G2E3: variants seen among roughly 807,000 people sequenced by gnomAD.
The protein encoded by G2E3 is G2/M phase-specific E3 ubiquitin-protein ligase.
G2E3 carries 35 observed loss-of-function variants against 92.8 expected under a neutral mutation model. That is an observed-to-expected ratio of 0.38 (90% confidence interval 0.29 to 0.50). G2E3 has a LOEUF of 0.50. Ranked by LOEUF, G2E3 falls within the 20% of genes least tolerant of loss-of-function variation. G2E3 has a pLI of 0.94. For missense variants in G2E3, 554 were observed against 823.8 expected (o/e 0.67, Z 4.01); for synonymous variants, 242 against 272.4 (o/e 0.89, Z 1.10).
chr14:30,590,117 A>G (rs927169207), intron 4 of G2E3, among the ~76,000 whole-genome samples: 1 of 152,126 alleles, frequency 6.6e-6, no homozygotes, highest in Admixed American at 6.6e-5. Context: ...TTGTCTAAGT[A>G]AAAATAATGA....
chr14:30,607,821 T>A, intron 11 of G2E3, 67 bp from the exon 12 acceptor site: 1 of 799,142 alleles, frequency 1.3e-6, no homozygotes, highest in Non-Finnish European at 1.9e-6. Context: ...TAATTTTTAA[T>A]ATAAAAAATG....
At chr14:30,561,391 A>G (rs538638760) in intron 1 of G2E3, among the ~76,000 whole-genome samples, 7 of 152,324 alleles carry the variant, frequency 4.6e-5, no homozygotes, top group Admixed American at 3.9e-4. Context: ...CTCCATAAGT[A>G]TCTCTGATGG....
At chr14:30,589,244 AT>A in intron 3 of G2E3, 138 bp from the exon 4 acceptor site, 1 of 540,086 alleles carries the variant, frequency 1.9e-6, no homozygotes, top group Non-Finnish European at 3.3e-6. Context: ...ACCATGAAAA[AT>A]AACTACTATA....
chr14:30,606,142 T>C lies in G2E3; in HGVS notation c.1318+330T>C, dbSNP rs553526253. Among the ~76,000 whole-genome samples, 14 of 152,270 alleles carry C rather than the reference T, an allele frequency of 9.2e-5. No individual in the cohort carries two copies. The South Asian group carries it at 2.5e-3, about 27-fold the overall frequency. Reference sequence around the variant, plus strand: ...GGGATGATTATTTGAATTCTTCCTGTTTGTATATTTGGAATTTGCGGTTAA... The same window carrying C: ...GGGATGATTATTTGAATTCTTCCTGCTTGTATATTTGGAATTTGCGGTTAA... On this transcript the variant is annotated intron_variant, in intron 11 of 14. Coordinates refer to ENST00000206595, the MANE Select transcript of G2E3 (RefSeq NM_017769.5).
chr14:30,563,023 A>T (rs201823924), intron 1 of G2E3, among the ~76,000 whole-genome samples: 1 of 151,958 alleles, frequency 6.6e-6, no homozygotes, highest in South Asian at 2.1e-4. Flanking sequence ...TGTCTTGGTG[A>T]TAGTGGTCCC....
At chr14:30,589,277 C>G (rs1315601602) in intron 3 of G2E3, 106 bp from the exon 4 acceptor site, 4 of 643,070 alleles carry the variant, frequency 6.2e-6, no homozygotes, top group Non-Finnish European at 1.1e-5. Context: ...GAAATTTGAG[C>G]CATTTTATGT....
At chr14:30,560,168 C>T (rs1879011045) in intron 1 of G2E3, 1 of 151,470 alleles carries the variant, frequency 6.6e-6, no homozygotes, top group African/African-American at 2.4e-5. Flanking sequence ...TCTGTCTAAC[C>T]CAGTAGTAAA....
At chr14:30,563,157 C>T (rs1243949829) in intron 1 of G2E3, among the ~76,000 whole-genome samples, 1 of 146,988 alleles carries the variant, frequency 6.8e-6, no homozygotes. Flanking sequence ...ACTCTTGGTA[C>T]AGTTTTTTTT....
intron 3 of G2E3, 98 bp downstream of exon 3, chr14:30,586,913 C>T (rs1246852607): frequency 4.6e-6 from 2 of 435,562 alleles, no homozygotes; most frequent in Non-Finnish European, 8.3e-6. Context: ...AGTCATTTAA[C>T]TTCTCCAGAT....
At chr14:30,605,311 A>G (rs1308226200) in intron 10 of G2E3, among the ~76,000 whole-genome samples, 194 bp from the exon 11 acceptor site, 1 of 152,222 alleles carries the variant, frequency 6.6e-6, no homozygotes, top group African/African-American at 2.4e-5. Flanking sequence ...GGAATCAAGA[A>G]TTTAAAACTA....
At position 30,612,365 on chromosome 14, in the gene G2E3, C is replaced by G; in HGVS notation, c.1659C>G (p.His553Gln). ...GCTACCATGTAATTCAGAGAGTCCA[C>G]ACACCCTTTGAAAGGTAAGTTGTTT... ...ILGYHVIQRV[H>Q]TPFESFKQGL... The change falls in exon 13 of 15, where the codon CAC (histidine) becomes CAG (glutamine). Residue 553 changes from histidine to glutamine, a missense_variant. Around this residue, in one of 3 missense-constraint regions of G2E3, gnomAD observed 397 missense variants for 560.3 expected, o/e 0.71. Coordinates refer to ENST00000206595, the MANE Select transcript of G2E3 (RefSeq NM_017769.5). 1 of 1,583,774 alleles carries G rather than the reference C, an allele frequency of 6.3e-7. No homozygotes were observed. Among genetic ancestry groups the G allele is most frequent in the Non-Finnish European group, 8.6e-7 (1 of 1,163,238 alleles).
chr14:30,580,954 A>C (rs1026894389), intron 1 of G2E3, 122 bp from the exon 2 acceptor site: 2 of 654,456 alleles, frequency 3.1e-6, no homozygotes, highest in African/African-American at 3.8e-5. Flanking sequence ...AAAGGTAAGA[A>C]AAATTTAAAT....
intron 1 of G2E3, chr14:30,580,715 AT>A (rs1296280033): frequency 5.9e-6 from 1 of 170,548 alleles, no homozygotes. Flanking sequence ...TTACAAGTAG[AT>A]TTTTTTAACC....
chr14:30,589,502 CTATTAAGTAATGTCA>C lies in G2E3; in HGVS notation c.237+21_237+35del, dbSNP rs1327688058. 3 of 1,199,440 alleles carry C rather than the reference CTATTAAGTAATGTCA, an allele frequency of 2.5e-6. No homozygotes were observed. The Admixed American group carries it at 5.3e-5, about 21-fold the overall frequency. The allele number at this position is 1,199,440 out of a possible 1,614,324, so 74.3% of individuals were successfully genotyped here. A position where few individuals can be genotyped will look rare whatever the true frequency, so the allele number is the denominator to read the frequency against. On this transcript the variant is annotated intron_variant, in intron 4 of 14. Coordinates refer to ENST00000206595, the MANE Select transcript of G2E3 (RefSeq NM_017769.5). ...CTAAACTGGTAAGTAAATTATTTTA[CTATTAAGTAATGTCA>C]TAAATATTGTCAATACTTGGGAAGT...
intron 13 of G2E3, among the ~76,000 whole-genome samples, chr14:30,614,949 G>A (rs1478843560): frequency 1.3e-5 from 2 of 152,142 alleles, no homozygotes; most frequent in South Asian, 2.1e-4. Flanking sequence ...AAATTTTTAT[G>A]TAATGAAGAT....
chr14:30,588,414 T>C (rs1366388072), intron 3 of G2E3, among the ~76,000 whole-genome samples: 1 of 151,984 alleles, frequency 6.6e-6, no homozygotes, highest in Admixed American at 6.6e-5. Flanking sequence ...CTTTACGATA[T>C]ACTGGTTAAA....
At chr14:30,563,759 T>C (rs1450950456) in intron 1 of G2E3, among the ~76,000 whole-genome samples, 2 of 149,100 alleles carry the variant, frequency 1.3e-5, no homozygotes, top group Admixed American at 1.3e-4. Context: ...CTCACTCTGT[T>C]GCCCAGGCTG....
chr14:30,593,314 A>G (rs909746810), intron 5 of G2E3, among the ~76,000 whole-genome samples, 160 bp from the exon 6 acceptor site: 2 of 152,156 alleles, frequency 1.3e-5, no homozygotes, highest in Non-Finnish European at 2.9e-5. Flanking sequence ...CCTTGGTCAT[A>G]GATTGTGAGA....
chr14:30,598,773 A>G lies in G2E3; in HGVS notation c.752+174A>G, dbSNP rs1881415305. On this transcript the variant is annotated intron_variant, in intron 8 of 14. Transcript: ENST00000206595. ...CGTCTGTTTACAGAGAAATTTTTGC[A>G]GTTAGTATAGTTGTAACCTATTTCT... is the stretch of plus-strand genomic sequence containing the variant. Among the ~76,000 whole-genome samples the G allele has an allele frequency of 6.6e-6, 1 of 152,218 alleles. No individual in the cohort carries two copies. The highest frequency in any genetic ancestry group is 1.5e-5 in the Non-Finnish European group (1 of 68,038).
Sources: gnomAD v4.1 joint callset for allele counts (sites outside exome capture counted in the v4.1 genomes callset) on GRCh38, gnomAD v4.1.1 for gene constraint, gnomAD v4.1.1 regional missense constraint, MANE v1.5 for transcripts, NCBI Gene and HGNC (gene_info 2026-07-23, HGNC 2026-07-21) for gene names.